The following KIAA1217 variants were observed in gnomAD, a reference collection of about 807,000 sequenced individuals.
The protein encoded by KIAA1217 is sickle tail protein homolog.
A neutral mutation model predicts 163.9 loss-of-function variants in KIAA1217; 88 were observed. The observed-to-expected ratio is 0.54, with a 90% CI of 0.45 to 0.64. The LOEUF is 0.64. KIAA1217 is among the 30% of genes least tolerant of loss of function. The probability of loss-of-function intolerance (pLI) is 0.00; values close to 1 mark genes in which losing one functional copy is unlikely to be tolerated. For missense variants in KIAA1217, 2,372 were observed against 2,475.0 expected, an observed-to-expected ratio of 0.96 and a Z score of 0.88; for synonymous variants, 903 against 923.1, an observed-to-expected ratio of 0.98 and a Z score of 0.39.
At chr10:24,479,959 C>T (rs567989845) in intron 6 of KIAA1217, among the ~76,000 whole-genome samples, 2 of 152,216 alleles carry the variant, frequency 1.3e-5, no homozygotes, top group Non-Finnish European at 2.9e-5. Context: ...ACCCAAACAC[C>T]TTCCACTAGG....
At chr10:24,146,989 A>T (rs1232687511) in intron 2 of KIAA1217, among the ~76,000 whole-genome samples, 15 of 150,504 alleles carry the variant, frequency 1.0e-4, no homozygotes, top group Non-Finnish European at 1.0e-4. Flanking sequence ...CACTTAAGGA[A>T]CATGTTTTTG....
intron 1 of KIAA1217, among the ~76,000 whole-genome samples, chr10:24,211,107 G>T (rs2068018642): frequency 6.6e-6 from 1 of 152,128 alleles, no homozygotes; most frequent in African/African-American, 2.4e-5. Flanking sequence ...AATAAAGCAG[G>T]AAAAGGAATA....
chr10:23,926,399 C>T (rs1843020075), intron 1 of KIAA1217, among the ~76,000 whole-genome samples: 1 of 152,144 alleles, frequency 6.6e-6, no homozygotes, highest in Non-Finnish European at 1.5e-5. Flanking sequence ...AGAATGCTGT[C>T]AATATTTCCA....
intron 2 of KIAA1217, among the ~76,000 whole-genome samples, chr10:24,169,893 A>G (rs1345704043): frequency 6.6e-6 from 1 of 152,232 alleles, no homozygotes; most frequent in African/African-American, 2.4e-5. Flanking sequence ...AGAAAATTAA[A>G]AAAACGAAAA....
At chr10:23,912,008 G>A (rs146140763) in intron 1 of KIAA1217, among the ~76,000 whole-genome samples, 7 of 152,284 alleles carry the variant, frequency 4.6e-5, no homozygotes, top group South Asian at 2.1e-4. Flanking sequence ...ACTAGGAGGT[G>A]TAGCTCGTTG....
intron 1 of KIAA1217, among the ~76,000 whole-genome samples, chr10:23,874,555 A>G (rs1380639129): frequency 6.6e-6 from 1 of 152,004 alleles, no homozygotes; most frequent in East Asian, 1.9e-4. Flanking sequence ...CATACCCTTC[A>G]TGATACCCTA....
chr10:24,053,393 C>A (rs942468106), intron 2 of KIAA1217, among the ~76,000 whole-genome samples: 2 of 152,040 alleles, frequency 1.3e-5, no homozygotes, highest in Non-Finnish European at 2.9e-5. Flanking sequence ...ATGCTTGTGT[C>A]TGACAGCTTA....
intron 2 of KIAA1217, among the ~76,000 whole-genome samples, chr10:24,184,747 G>A (rs908199183): frequency 1.3e-5 from 2 of 152,166 alleles, no homozygotes; most frequent in Non-Finnish European, 2.9e-5. Flanking sequence ...TTCAAAACCA[G>A]GAGCACATGA....
chr10:23,940,476 A>G (rs988912854), intron 1 of KIAA1217, among the ~76,000 whole-genome samples: 7 of 151,108 alleles, frequency 4.6e-5, no homozygotes, highest in Admixed American at 2.6e-4. Context: ...AAAAAAAAAA[A>G]AAAAAAAAGA....
chr10:24,195,801 A>G (rs1191866722), intron 2 of KIAA1217, among the ~76,000 whole-genome samples: 1 of 152,232 alleles, frequency 6.6e-6, no homozygotes, highest in African/African-American at 2.4e-5. Flanking sequence ...TAGTTTTTAC[A>G]AAGAACTAGG....
At chr10:24,401,476 TGAA>T (rs1239896841) in intron 3 of KIAA1217, among the ~76,000 whole-genome samples, 5 of 152,122 alleles carry the variant, frequency 3.3e-5, no homozygotes, top group South Asian at 4.1e-4. Context: ...ATGAACAGGC[TGAA>T]GAAGGAGAAT....
At chr10:24,192,171 G>A (rs1211077525) in intron 2 of KIAA1217, among the ~76,000 whole-genome samples, 1 of 152,218 alleles carries the variant, frequency 6.6e-6, no homozygotes, top group Non-Finnish European at 1.5e-5. Flanking sequence ...CTGGTGAAGA[G>A]CGGAACAGTC....
At chr10:24,081,847 A>G (rs2061547618) in intron 2 of KIAA1217, among the ~76,000 whole-genome samples, 1 of 152,220 alleles carries the variant, frequency 6.6e-6, no homozygotes, top group Non-Finnish European at 1.5e-5. Context: ...GGACAGAGCA[A>G]GAAAACTAAG....
At chr10:23,979,946 T>C (rs1159641835) in intron 1 of KIAA1217, among the ~76,000 whole-genome samples, 1 of 152,228 alleles carries the variant, frequency 6.6e-6, no homozygotes, top group Non-Finnish European at 1.5e-5. Flanking sequence ...AGCTTGATGA[T>C]GGGCTATTTT....
chr10:24,390,450 G>A (rs1001213402), intron 3 of KIAA1217, among the ~76,000 whole-genome samples: 10 of 131,664 alleles, frequency 7.6e-5, no homozygotes, highest in African/African-American at 3.1e-4. Flanking sequence ...CAGTAGTATG[G>A]GGGAAAAAAG....
intron 17 of KIAA1217, 36 bp downstream of exon 17, chr10:24,536,929 G>A: frequency 6.2e-7 from 1 of 1,610,528 alleles, no homozygotes; most frequent in Non-Finnish European, 8.5e-7. Flanking sequence ...ACACGGTTGG[G>A]AGTCCTTCCT....
intron 5 of KIAA1217, among the ~76,000 whole-genome samples, chr10:24,462,345 T>A (rs2062495228): frequency 6.6e-6 from 1 of 152,114 alleles, no homozygotes; most frequent in African/African-American, 2.4e-5. Context: ...TCTGGACCTG[T>A]GAATGGAGTG....
chr10:23,741,383 T>C (rs537374614), intron 1 of KIAA1217, among the ~76,000 whole-genome samples: 1 of 152,296 alleles, frequency 6.6e-6, no homozygotes, highest in Admixed American at 6.5e-5. Context: ...CTTCTCTCTT[T>C]TCCTTATTTT....
At chr10:23,735,934 C>T (rs117666471) in intron 1 of KIAA1217, among the ~76,000 whole-genome samples, 378 of 152,300 alleles carry the variant, frequency 2.5e-3, no homozygotes, top group Non-Finnish European at 3.9e-3. Flanking sequence ...ACACATATTT[C>T]ATTCTCTCTT....
Sources: gnomAD v4.1 joint callset for allele counts (sites outside exome capture counted in the v4.1 genomes callset) on GRCh38, gnomAD v4.1.1 for gene constraint, MANE v1.5 for transcripts, NCBI Gene and HGNC (gene_info 2026-07-23, HGNC 2026-07-21) for gene names.